The following MAP2K4 variants were observed in gnomAD, a reference collection of about 807,000 sequenced individuals.
The protein encoded by MAP2K4 is dual specificity mitogen-activated protein kinase kinase 4.
In MAP2K4, 4 loss-of-function variants were observed where a neutral mutation model predicts 48.5. That is an observed-to-expected ratio of 0.08 (90% confidence interval 0.04 to 0.19). MAP2K4 has a LOEUF of 0.19. MAP2K4 is among the 10% of genes least tolerant of loss of function. MAP2K4 has a pLI of 1.00. For synonymous variants in MAP2K4, 166 were observed against 173.1 expected (o/e 0.96, Z 0.32); for missense variants, 258 against 493.3 (o/e 0.52, Z 4.52).
Position 12,122,140 on chromosome 17 carries a change from T to TA in MAP2K4, c.814-3151dup, listed in dbSNP as rs761504246. On this transcript the variant is annotated intron_variant, in intron 7 of 10. Transcript: ENST00000353533. ...TTGTTCTTAAGCAGATAGCTACAGATAAAGTTTTAAATATCTCCACAGGTA... is the reference window on the plus strand; with the variant it reads ...TTGTTCTTAAGCAGATAGCTACAGATAAAAGTTTTAAATATCTCCACAGGTA... Among the ~76,000 whole-genome samples the TA allele has an allele frequency of 3.3e-5, 5 of 152,358 alleles. No individual in the cohort carries two copies. The East Asian group carries it at 7.7e-4, about 24-fold the overall frequency.
At chr17:12,076,933 G>A (rs772765674) in intron 2 of MAP2K4, among the ~76,000 whole-genome samples, 11 of 151,934 alleles carry the variant, frequency 7.2e-5, no homozygotes, top group Non-Finnish European at 1.0e-4. Flanking sequence ...TTTTTTGCAG[G>A]GTACTGTGGT....
intron 2 of MAP2K4, among the ~76,000 whole-genome samples, chr17:12,073,342 A>T (rs1288506424): frequency 6.6e-6 from 1 of 152,174 alleles, no homozygotes; most frequent in Non-Finnish European, 1.5e-5. Flanking sequence ...GAAGTAGAGA[A>T]GGATTGTAGT....
chr17:12,068,261 A>G (rs1970677455), intron 2 of MAP2K4, among the ~76,000 whole-genome samples: 1 of 152,230 alleles, frequency 6.6e-6, no homozygotes, highest in African/African-American at 2.4e-5. Flanking sequence ...GATGACATCC[A>G]AAGTGCAGTG....
chr17:12,132,346 C>T (rs1973055648), intron 9 of MAP2K4, among the ~76,000 whole-genome samples: 1 of 152,136 alleles, frequency 6.6e-6, no homozygotes, highest in Admixed American at 6.5e-5. Flanking sequence ...CACAGTAGAA[C>T]AGATAATAAA....
intron 7 of MAP2K4, among the ~76,000 whole-genome samples, chr17:12,122,232 CT>C (rs1972717214): frequency 6.6e-6 from 1 of 152,228 alleles, no homozygotes; most frequent in South Asian, 2.1e-4. Flanking sequence ...ACATAATCAA[CT>C]ATTCCGTACT....
At chr17:12,093,899 G>A (rs1175176441) in intron 3 of MAP2K4, among the ~76,000 whole-genome samples, 1 of 151,992 alleles carries the variant, frequency 6.6e-6, no homozygotes, top group East Asian at 1.9e-4. Context: ...CAGGTATAAA[G>A]GTAGAATATT....
At chr17:12,039,210 A>T (rs558737031) in intron 1 of MAP2K4, among the ~76,000 whole-genome samples, 1 of 152,326 alleles carries the variant, frequency 6.6e-6, no homozygotes, top group East Asian at 1.9e-4. Context: ...GGAGAAGATT[A>T]GTAGGTCAGG....
At chr17:12,100,804 A>G (rs1319879139) in intron 4 of MAP2K4, among the ~76,000 whole-genome samples, 1 of 152,112 alleles carries the variant, frequency 6.6e-6, no homozygotes, top group East Asian at 1.9e-4. Context: ...GCATGTTTCT[A>G]ATGACTAACA....
At chr17:12,077,059 C>A (rs1971035911) in intron 2 of MAP2K4, among the ~76,000 whole-genome samples, 1 of 152,180 alleles carries the variant, frequency 6.6e-6, no homozygotes, top group Non-Finnish European at 1.5e-5. Context: ...ACCAGGGTAT[C>A]AAACATCAGG....
At chr17:12,113,386 G>T (rs777611190) in intron 7 of MAP2K4, 26 bp downstream of exon 7, 1 of 1,609,296 alleles carries the variant, frequency 6.2e-7, no homozygotes, top group Non-Finnish European at 8.5e-7. Flanking sequence ...AGGCCTTCTT[G>T]CTTGATAGTC....
intron 1 of MAP2K4, among the ~76,000 whole-genome samples, chr17:12,029,733 T>C (rs771117884): frequency 2.0e-5 from 3 of 152,006 alleles, no homozygotes; most frequent in Non-Finnish European, 4.4e-5. Context: ...GAGACTAGCC[T>C]GGGCAACATG....
intron 3 of MAP2K4, among the ~76,000 whole-genome samples, chr17:12,091,594 A>G (rs1157157406): frequency 6.6e-6 from 1 of 152,180 alleles, no homozygotes; most frequent in African/African-American, 2.4e-5. Flanking sequence ...ACCATGCATA[A>G]TATTAATAGT....
intron 2 of MAP2K4, among the ~76,000 whole-genome samples, chr17:12,078,733 C>T (rs1454506774): frequency 1.3e-5 from 2 of 152,044 alleles, no homozygotes; most frequent in Admixed American, 6.6e-5. Flanking sequence ...TATGTTCTTT[C>T]TTTCCTAGGC....
chr17:12,089,065 C>A (rs1971477007), intron 3 of MAP2K4, among the ~76,000 whole-genome samples: 1 of 152,038 alleles, frequency 6.6e-6, no homozygotes, highest in African/African-American at 2.4e-5. Context: ...GCGCACGCCA[C>A]CACGCCTGGC....
At chr17:12,032,177 A>G in intron 1 of MAP2K4, 1 of 582,286 alleles carries the variant, frequency 1.7e-6, no homozygotes, top group South Asian at 3.6e-5. Context: ...GTTTTATTCA[A>G]AATTTAATAT....
Position 12,142,139 on chromosome 17 carries a change from A to G in MAP2K4, c.*879A>G, listed in dbSNP as rs1425166109. ...ACAGTACAGAAGGCAAAGTTTACAG[A>G]TGTTTTTAATTCTAGTATTTTATCT... On this transcript the variant is annotated 3_prime_UTR_variant, in exon 11 of 11. Transcript: ENST00000353533. The G allele has an allele frequency of 4.3e-6, 1 of 233,448 alleles. No homozygotes were observed. Among genetic ancestry groups the G allele is most frequent in the African/African-American group, 2.2e-5 (1 of 45,348 alleles). The allele number at this position is 233,448 out of a possible 1,614,324, so 14.5% of individuals were successfully genotyped here. A position where few individuals can be genotyped will look rare whatever the true frequency, so the allele number is the denominator to read the frequency against.
At chr17:12,125,540 A>G (rs1387684981) in intron 8 of MAP2K4, among the ~76,000 whole-genome samples, 169 bp downstream of exon 8, 10 of 152,206 alleles carry the variant, frequency 6.6e-5, no homozygotes, top group Admixed American at 5.2e-4. Context: ...TTAAAAATCA[A>G]ATCAGACTTG....
At position 12,143,369 on chromosome 17, in the gene MAP2K4, T is replaced by C. The variant is rs2151601007; in HGVS notation, c.*2109T>C. The C allele has an allele frequency of 4.3e-6, 1 of 232,904 alleles. No homozygotes were observed. The highest frequency in any genetic ancestry group is 6.1e-5 in the East Asian group (1 of 16,386). The allele number at this position is 232,904 out of a possible 1,614,324, so 14.4% of individuals were successfully genotyped here. A position where few individuals can be genotyped will look rare whatever the true frequency, so the allele number is the denominator to read the frequency against. On this transcript the variant is annotated 3_prime_UTR_variant, in exon 11 of 11. Coordinates refer to ENST00000353533, the MANE Select transcript of MAP2K4 (RefSeq NM_003010.4). ...ATTAATCATAGATTATTATAAACTA[T>C]AAACTTAAGGGCAAGGAGTTTATTA...
At chr17:12,093,307 C>T (rs1304553809) in intron 3 of MAP2K4, among the ~76,000 whole-genome samples, 3 of 152,188 alleles carry the variant, frequency 2.0e-5, no homozygotes, top group Admixed American at 6.5e-5. Context: ...TAGGAACTCT[C>T]TACATTCTGA....
Sources: gnomAD v4.1 joint callset for allele counts (sites outside exome capture counted in the v4.1 genomes callset) on GRCh38, gnomAD v4.1.1 for gene constraint, MANE v1.5 for transcripts, NCBI Gene and HGNC (gene_info 2026-07-23, HGNC 2026-07-21) for gene names.